Variants in ANKRD42 observed in about 807,000 individuals in gnomAD.
The protein encoded by ANKRD42 is ankyrin repeat domain-containing protein 42.
In ANKRD42, 43 loss-of-function variants were observed where a neutral mutation model predicts 51.5. That is an observed-to-expected ratio of 0.83 (90% CI 0.65 to 1.08). The LOEUF is 1.08. ANKRD42 is among the 50% of genes least tolerant of loss of function. The pLI is 0.00. For missense variants in ANKRD42, 608 were observed against 629.3 expected, an observed-to-expected ratio of 0.97 and a Z score of 0.36; for synonymous variants, 203 against 213.0, an observed-to-expected ratio of 0.95 and a Z score of 0.41.
chr11:83,247,842 T>C, intron 10 of ANKRD42, 101 bp from the exon 11 acceptor site: 1 of 1,027,714 alleles, frequency 9.7e-7, no homozygotes, highest in Non-Finnish European at 1.4e-6. Context: ...GATTTCTTTG[T>C]TTTATTTGCC....
chr11:83,212,520 C>A, intron 5 of ANKRD42: 1 of 840,518 alleles, frequency 1.2e-6, no homozygotes. Context: ...AAGTGGTCTA[C>A]AAATTCTAAA....
intron 7 of ANKRD42, among the ~76,000 whole-genome samples, chr11:83,228,580 A>C (rs1378696707): frequency 6.6e-6 from 1 of 152,164 alleles, no homozygotes; most frequent in Non-Finnish European, 1.5e-5. Flanking sequence ...TAGTAGGCTT[A>C]TTAATATAAT....
downstream of ANKRD42, chr11:83,261,687 G>A: frequency 2.9e-6 from 1 of 343,908 alleles, no homozygotes; most frequent in African/African-American, 2.1e-5. Context: ...AACCAGGTCT[G>A]AGTGACAGCT....
intron 8 of ANKRD42, among the ~76,000 whole-genome samples, chr11:83,240,354 C>T (rs1863349551): frequency 6.6e-6 from 1 of 152,138 alleles, no homozygotes; most frequent in African/African-American, 2.4e-5. Flanking sequence ...AGCCCTAAAA[C>T]TGGAATGAAA....
chr11:83,212,878 A>T (rs749368332), intron 5 of ANKRD42: 21 of 1,433,534 alleles, frequency 1.5e-5, no homozygotes, highest in Non-Finnish European at 1.8e-5. Context: ...TTTTGTTCTC[A>T]TTCTTTTTAC....
intron 9 of ANKRD42, among the ~76,000 whole-genome samples, chr11:83,245,240 GT>G (rs1863508898): frequency 6.6e-6 from 1 of 152,162 alleles, no homozygotes; most frequent in South Asian, 2.1e-4. Context: ...TGTTCATAGC[GT>G]TAATAGTCAT....
intron 5 of ANKRD42, chr11:83,213,331 G>C: frequency 6.3e-7 from 1 of 1,583,696 alleles, no homozygotes; most frequent in Non-Finnish European, 8.6e-7. Context: ...AGCCATCGTG[G>C]AAAGAGCTGC....
At chr11:83,215,791 T>G (rs1360126529) in intron 5 of ANKRD42, among the ~76,000 whole-genome samples, 1 of 151,978 alleles carries the variant, frequency 6.6e-6, no homozygotes. Flanking sequence ...TACATATTTT[T>G]GGGGTTGTTT....
intron 1 of ANKRD42, among the ~76,000 whole-genome samples, chr11:83,195,282 C>T (rs1861599109): frequency 6.6e-6 from 1 of 152,128 alleles, no homozygotes; most frequent in Non-Finnish European, 1.5e-5. Flanking sequence ...CTTTGTGCTC[C>T]GTCTTAAGGA....
downstream of ANKRD42, among the ~76,000 whole-genome samples, chr11:83,258,335 G>T (rs1863807783): frequency 6.6e-6 from 1 of 151,702 alleles, no homozygotes; most frequent in African/African-American, 2.4e-5. Flanking sequence ...GACACATTTA[G>T]GTTAATGAAA....
At chr11:83,224,803 A>T (rs1290271598) in intron 5 of ANKRD42, 52 bp from the exon 6 acceptor site, 2 of 1,397,694 alleles carry the variant, frequency 1.4e-6, no homozygotes, top group Non-Finnish European at 1.9e-6. Flanking sequence ...ACATACATAC[A>T]TAAAAATTTT....
chr11:83,200,826 A>T (rs575778012), intron 2 of ANKRD42, among the ~76,000 whole-genome samples: 1 of 152,312 alleles, frequency 6.6e-6, no homozygotes, highest in African/African-American at 2.4e-5. Context: ...TGCCCTCCAT[A>T]GGATAAAGTT....
At chr11:83,250,036 A>G (rs1863647250), downstream of ANKRD42, among the ~76,000 whole-genome samples, 1 of 152,166 alleles carries the variant, frequency 6.6e-6, no homozygotes, top group African/African-American at 2.4e-5. Context: ...TCAGTGGATA[A>G]ATAAATGTGT....
At chr11:83,196,002 C>T (rs527787493) in intron 1 of ANKRD42, among the ~76,000 whole-genome samples, 1 of 152,214 alleles carries the variant, frequency 6.6e-6, no homozygotes, top group South Asian at 2.1e-4. Flanking sequence ...CCCACCACCA[C>T]ACCCGGCTAA....
In ANKRD42 at chr11:83,248,436, TAGA is replaced by T. The variant is rs1863609039; in HGVS notation, c.*235_*237del. 4 of 1,197,358 alleles carry T rather than the reference TAGA, an allele frequency of 3.3e-6. No individual in the cohort carries two copies. Among genetic ancestry groups the T allele is most frequent in the African/African-American group, 3.1e-5 (2 of 63,498 alleles). 74.2% of individuals were successfully genotyped at this position (1,197,358 alleles called of 1,614,324 possible). On this transcript the variant is annotated 3_prime_UTR_variant, in exon 11 of 11. Transcript: ENST00000533342. The stretch of plus-strand genomic sequence containing the variant: ...AAGTATTATTGTTAACATTGTACCA[TAGA>T]AGGAGAAAATGTTTTCATAAGTAAT...
chr11:83,200,086 CT>C (rs1861810329), intron 2 of ANKRD42, among the ~76,000 whole-genome samples: 1 of 151,608 alleles, frequency 6.6e-6, no homozygotes, highest in Non-Finnish European at 1.5e-5. Flanking sequence ...GGTTTTTTTG[CT>C]CTTTGCTTTT....
chr11:83,213,563 TTAG>T, intron 5 of ANKRD42: 2 of 1,216,518 alleles, frequency 1.6e-6, no homozygotes, highest in Non-Finnish European at 1.0e-6. Context: ...GTTTTTTTTT[TTAG>T]TTTTAGTCTT....
chr11:83,248,433 C>G lies in ANKRD42; in HGVS notation c.*229C>G. The G allele has an allele frequency of 8.3e-7, 1 of 1,200,274 alleles. No individual in the cohort carries two copies. The highest frequency in any genetic ancestry group is 1.6e-5 in the African/African-American group (1 of 63,594). The allele number at this position is 1,200,274 out of a possible 1,614,324, so 74.4% of individuals were successfully genotyped here. On this transcript the variant is annotated 3_prime_UTR_variant, in exon 11 of 11. Transcript: ENST00000533342. Reference sequence around the variant, plus strand: ...CATAAGTATTATTGTTAACATTGTACCATAGAAGGAGAAAATGTTTTCATA... The same window carrying G: ...CATAAGTATTATTGTTAACATTGTAGCATAGAAGGAGAAAATGTTTTCATA...
intron 5 of ANKRD42, among the ~76,000 whole-genome samples, chr11:83,221,902 G>C (rs938796625): frequency 1.3e-5 from 2 of 152,168 alleles, no homozygotes; most frequent in African/African-American, 4.8e-5. Flanking sequence ...TTGTCTTCAG[G>C]CACTCCCAGT....
Sources: gnomAD v4.1 joint callset for allele counts (sites outside exome capture counted in the v4.1 genomes callset) on GRCh38, gnomAD v4.1.1 for gene constraint, MANE v1.5 for transcripts, NCBI Gene and HGNC (gene_info 2026-07-23, HGNC 2026-07-21) for gene names.